Variants in SRGAP2 observed in about 807,000 individuals in gnomAD.
SRGAP2 encodes the protein SLIT-ROBO Rho GTPase-activating protein 2.
SRGAP2 carries 15 observed loss-of-function variants against 57.2 expected under a neutral mutation model. The observed-to-expected ratio is 0.26, with a 90% CI of 0.18 to 0.40. The LOEUF is 0.40. Among genes scored for constraint, SRGAP2 ranks in the 10% least tolerant of loss-of-function variants. The probability of loss-of-function intolerance (pLI) is 1.00; values close to 1 mark genes in which losing one functional copy is unlikely to be tolerated. For missense variants in SRGAP2, 520 were observed against 669.6 expected, an observed-to-expected ratio of 0.78 and a Z score of 2.47; for synonymous variants, 249 against 248.0, an observed-to-expected ratio of 1.00 and a Z score of -0.04.
intron 2 of SRGAP2, among the ~76,000 whole-genome samples, chr1:206,243,415 G>C (rs1300018506): frequency 4.0e-5 from 6 of 151,672 alleles, no homozygotes; most frequent in Admixed American, 3.9e-4. Context: ...AAAAGGATGT[G>C]TACACAGCAG....
intron 2 of SRGAP2, among the ~76,000 whole-genome samples, chr1:206,255,736 G>A (rs1199651126): frequency 6.7e-6 from 1 of 149,014 alleles, no homozygotes; most frequent in Non-Finnish European, 1.5e-5. Context: ...TAATCATTTA[G>A]TTATTTTAGT....
chr1:206,304,513 C>CA (rs1672075822), intron 3 of SRGAP2, among the ~76,000 whole-genome samples: 1 of 151,332 alleles, frequency 6.6e-6, no homozygotes, highest in Admixed American at 6.6e-5. Flanking sequence ...AAAAAAATTG[C>CA]AAAAAAACCT....
intron 18 of SRGAP2, 76 bp from the exon 19 acceptor site, chr1:206,450,310 G>T: frequency 1.3e-6 from 1 of 748,296 alleles, no homozygotes; most frequent in Non-Finnish European, 2.5e-6. Flanking sequence ...CTCGCGCCAG[G>T]GAGGCTGTAT....
At chr1:206,402,136 T>G (rs1658250237) in intron 8 of SRGAP2, among the ~76,000 whole-genome samples, 1 of 152,084 alleles carries the variant, frequency 6.6e-6, no homozygotes, top group Non-Finnish European at 1.5e-5. Flanking sequence ...CTGTGATCTT[T>G]TGGCATTTGG....
chr1:206,374,094 G>A (rs1189446926), intron 4 of SRGAP2, among the ~76,000 whole-genome samples: 1 of 140,646 alleles, frequency 7.1e-6, no homozygotes, highest in South Asian at 2.2e-4. Flanking sequence ...GTGGGATTTC[G>A]GCTCACTGCA....
chr1:206,447,469 C>A (rs982768610), intron 18 of SRGAP2, among the ~76,000 whole-genome samples: 1 of 152,192 alleles, frequency 6.6e-6, no homozygotes. Flanking sequence ...CTGGGTTCAT[C>A]CCTCTCTGCT....
intron 2 of SRGAP2, among the ~76,000 whole-genome samples, chr1:206,292,455 G>A (rs1424545401): frequency 1.3e-5 from 2 of 151,748 alleles, no homozygotes; most frequent in Admixed American, 6.6e-5. Context: ...CAGGAACTGG[G>A]CAGACTGTTT....
intron 13 of SRGAP2, among the ~76,000 whole-genome samples, chr1:206,421,529 A>G (rs950556057): frequency 7.2e-5 from 11 of 152,164 alleles, no homozygotes; most frequent in Admixed American, 2.0e-4. Flanking sequence ...GTTTGGTTTC[A>G]TTGGTGCAGA....
In SRGAP2 at chr1:206,421,232, C is replaced by T. The variant is rs574075736; in HGVS notation, c.1470-18C>T. The T allele has an allele frequency of 1.1e-4, 88 of 777,864 alleles. 1 individual carries two copies. Among genetic ancestry groups the T allele is most frequent in the African/African-American group, 9.1e-4 (54 of 59,104 alleles). The allele number at this position is 777,864 out of a possible 1,614,324, so 48.2% of individuals were successfully genotyped here. ...GTTGCTGGATTGGTCCAATCTGATT[C>T]GGCGGGATTGGTCACAGGCGCAGCT... is the stretch of plus-strand genomic sequence containing the variant. On this transcript the variant is annotated intron_variant, in intron 12 of 22. Transcript: ENST00000573034.
chr1:206,236,843 A>G (rs1667935928), intron 2 of SRGAP2, among the ~76,000 whole-genome samples: 1 of 103,754 alleles, frequency 9.6e-6, no homozygotes, highest in Non-Finnish European at 1.9e-5. Flanking sequence ...CAGTTAAAAC[A>G]GAGAGTCTTT....
chr1:206,327,809 T>C (rs201998961), intron 3 of SRGAP2, among the ~76,000 whole-genome samples: 19 of 78,430 alleles, frequency 2.4e-4, no homozygotes, highest in Admixed American at 3.7e-4. Flanking sequence ...CTGAATCATT[T>C]TTTTTTTTTT....
At chr1:206,387,423 TGAG>T in intron 5 of SRGAP2, among the ~76,000 whole-genome samples, 1 of 135,552 alleles carries the variant, frequency 7.4e-6, no homozygotes, top group East Asian at 2.1e-4. Flanking sequence ...TGCACACCTT[TGAG>T]GAGTCAAGAA....
At chr1:206,209,524 C>A (rs1329665777) in intron 2 of SRGAP2, among the ~76,000 whole-genome samples, 2 of 152,192 alleles carry the variant, frequency 1.3e-5, no homozygotes, top group East Asian at 3.9e-4. Flanking sequence ...CCTTAGTCAG[C>A]CTGCCTTGTA....
Position 206,450,366 on chromosome 1 carries a change from C to CA in SRGAP2, c.2100-19dup. ...TATGAGCACATGTTAATGTCCCTGT[C>CA]ACTCTTGCTTCTGTTGCAGTGATAG... is the stretch of plus-strand genomic sequence containing the variant. On this transcript the variant is annotated intron_variant, in intron 18 of 22. Coordinates refer to ENST00000573034, the MANE Select transcript of SRGAP2 (RefSeq NM_015326.5). The CA allele has an allele frequency of 1.3e-6, 1 of 780,380 alleles. No individual in the cohort carries two copies. The highest frequency in any genetic ancestry group is 1.7e-5 in the African/African-American group (1 of 59,250). 48.3% of individuals were successfully genotyped at this position (780,380 alleles called of 1,614,324 possible).
chr1:206,421,292 G>C lies in SRGAP2; in HGVS notation c.1494+18G>C. 1.3e-6 allele frequency: 1 copy of C among 777,194 alleles called. No homozygotes were observed. The highest frequency in any genetic ancestry group is 1.7e-5 in the Admixed American group (1 of 58,526). 48.1% of individuals were successfully genotyped at this position (777,194 alleles called of 1,614,324 possible). On this transcript the variant is annotated intron_variant, in intron 13 of 22. Transcript: ENST00000573034. ...GGAAACAGGTAAGGGCCCAAGCGGG[G>C]CCAGGCTGGTCTGGCCTGAAAATAT...
chr1:206,448,344 A>G (rs1431164058), intron 18 of SRGAP2, among the ~76,000 whole-genome samples: 1 of 152,168 alleles, frequency 6.6e-6, no homozygotes, highest in Non-Finnish European at 1.5e-5. Context: ...CCGGTTTTCT[A>G]GGACTACCGG....
intron 3 of SRGAP2, among the ~76,000 whole-genome samples, chr1:206,319,366 G>A (rs145742933): frequency 6.6e-5 from 10 of 151,446 alleles, no homozygotes; most frequent in Admixed American, 4.6e-4. Context: ...AGCCGAGATC[G>A]CGCCACTGCA....
chr1:206,410,889 C>T (rs1221239780), intron 10 of SRGAP2, among the ~76,000 whole-genome samples: 1 of 152,104 alleles, frequency 6.6e-6, no homozygotes, highest in African/African-American at 2.4e-5. Context: ...AACCAAGCCT[C>T]GGCTCTTGTT....
intron 16 of SRGAP2, among the ~76,000 whole-genome samples, chr1:206,439,162 C>T (rs144833643): frequency 1.3e-5 from 2 of 152,228 alleles, no homozygotes; most frequent in East Asian, 3.9e-4. Flanking sequence ...CTTCCTAATC[C>T]AGTACTTCCC....
Sources: gnomAD v4.1 joint callset for allele counts (sites outside exome capture counted in the v4.1 genomes callset) on GRCh38, gnomAD v4.1.1 for gene constraint, MANE v1.5 for transcripts, NCBI Gene and HGNC (gene_info 2026-07-23, HGNC 2026-07-21) for gene names.